Variants in USP7 observed in about 807,000 individuals in gnomAD.
USP7 encodes ubiquitin specific peptidase 7.
Under a neutral mutation model 162.9 loss-of-function variants are expected in USP7, and 9 were observed. The ratio of observed to expected loss-of-function variants is 0.06; its 90% CI spans 0.03 to 0.10. The LOEUF (loss-of-function observed/expected upper bound fraction) is 0.10. Ranked by LOEUF, USP7 falls within the 10% of genes least tolerant of loss-of-function variation. The pLI is 1.00. For missense variants in USP7, 715 were observed against 1,373.7 expected, an observed-to-expected ratio of 0.52 and a Z score of 7.58; for synonymous variants, 562 against 475.9, an observed-to-expected ratio of 1.18 and a Z score of -2.35.
chr16:8,963,862 A>AGCTCG lies in USP7; in HGVS notation c.-582_-578dup, dbSNP rs1361289151. Among the ~76,000 whole-genome samples, 32 of 146,390 alleles carry AGCTCG rather than the reference A, an allele frequency of 2.2e-4. No homozygotes were observed. The highest frequency in any genetic ancestry group is 3.8e-4 in the Non-Finnish European group (25 of 65,804). ...TCCGGCAGCGGACGCGGCGCCCGGC[A>AGCTCG]GCTCGGCTCGGCTCGCTCTCAAAAT... On this transcript the variant is annotated 5_prime_UTR_variant, in exon 1 of 31. Coordinates refer to ENST00000344836, the MANE Select transcript of USP7 (RefSeq NM_003470.3).
In USP7 at chr16:8,921,422, G is replaced by C; in HGVS notation, c.384-127C>G. ...TTCATTGCTCTCTCCTTTCGGGTTG[G>C]GGTTAAAGGTAGGATGGAGGCATTT... On this transcript the variant is annotated intron_variant, in intron 3 of 30. Coordinates refer to ENST00000344836, the MANE Select transcript of USP7 (RefSeq NM_003470.3). 7.1e-6 allele frequency: 8 copies of C among 1,127,498 alleles called. No homozygotes were observed. The Middle Eastern group carries it at 6.8e-4, about 96-fold the overall frequency. 69.8% of individuals were successfully genotyped at this position (1,127,498 alleles called of 1,614,324 possible).
chr16:8,902,498 A>T lies in USP7; in HGVS notation c.1840-16T>A, dbSNP rs749221448. The T allele has an allele frequency of 1.9e-6, 3 of 1,607,504 alleles. No individual in the cohort carries two copies. Among genetic ancestry groups the T allele is most frequent in the Non-Finnish European group, 2.6e-6 (3 of 1,175,630 alleles). ...GTGGAAATCCCTGAAAAAAATATTA[A>T]GAGTAGATTAAAATAAAAACACGCT... On this transcript the variant is annotated splice_polypyrimidine_tract_variant and intron_variant, in intron 16 of 30. Coordinates refer to ENST00000344836, the MANE Select transcript of USP7 (RefSeq NM_003470.3).
Position 8,928,338 on chromosome 16 carries a change from CA to C in USP7, c.184+1954del, listed in dbSNP as rs558222404. Among the ~76,000 whole-genome samples the C allele has an allele frequency of 3.3e-5, 5 of 151,840 alleles. No individual in the cohort carries two copies. The East Asian group carries it at 5.8e-4, about 18-fold the overall frequency. ...TCAACACTCAAGGACACAGGACACT[CA>C]AAAAAAGGGGGAGCTCTGAAGTCCA... On this transcript the variant is annotated intron_variant, in intron 2 of 30. Coordinates refer to ENST00000344836, the MANE Select transcript of USP7 (RefSeq NM_003470.3).
chr16:8,899,181 T>G lies in USP7; in HGVS notation c.2471A>C (p.Lys824Thr). 1 of 1,614,148 alleles carries G rather than the reference T, an allele frequency of 6.2e-7. No individual in the cohort carries two copies. ...SNRMNYFQVA[K>T]TVAQRLNTDP... The stretch of plus-strand genomic sequence containing the variant: ...TGTGTTGAGCCTCTGTGCAACTGTC[T>G]TTGCAACCTAAGACACAGAAAGGAA... The change falls in exon 23 of 31, where the codon AAG becomes ACG. Residue 824 changes from lysine (K) to threonine (T), a missense_variant. This residue lies in a region of USP7 where 222 missense variants were observed against 441.7 expected (regional missense o/e 0.50). Transcript: ENST00000344836.
At chr16:8,930,192 GAAGT>G in intron 2 of USP7, 97 bp downstream of exon 2, 2 of 857,002 alleles carry the variant, frequency 2.3e-6, no homozygotes, top group Non-Finnish European at 3.6e-6. Flanking sequence ...GCTACGCTCA[GAAGT>G]ACCCAAGGAT....
intron 1 of USP7, among the ~76,000 whole-genome samples, chr16:8,960,057 C>T (rs1282280167): frequency 6.6e-6 from 1 of 152,258 alleles, no homozygotes; most frequent in African/African-American, 2.4e-5. Flanking sequence ...TCTACACCGA[C>T]CATCTGAGTA....
intron 15 of USP7, 65 bp downstream of exon 15, chr16:8,904,370 C>T: frequency 1.9e-6 from 3 of 1,593,264 alleles, no homozygotes; most frequent in South Asian, 1.1e-5. Context: ...CTGACCTGCA[C>T]TTGTGTATAG....
In USP7 at chr16:8,919,162, A is replaced by C. The variant is rs949534674; in HGVS notation, c.612-23T>G. 7 of 1,612,566 alleles carry C rather than the reference A, an allele frequency of 4.3e-6. No individual in the cohort carries two copies. The African/African-American group carries it at 9.3e-5, about 22-fold the overall frequency. On this transcript the variant is annotated intron_variant, in intron 5 of 30. Coordinates refer to ENST00000344836, the MANE Select transcript of USP7 (RefSeq NM_003470.3). ...CACCTGAAAGATCAGTTCAAGGTTG[A>C]GGGGATCTTGCAGATACCCCATTGC...
At chr16:8,946,419 TA>T (rs770546756) in intron 1 of USP7, among the ~76,000 whole-genome samples, 142 of 152,012 alleles carry the variant, frequency 9.3e-4, no homozygotes, top group Non-Finnish European at 1.2e-3. Flanking sequence ...CATCTCTAAA[TA>T]AAGAAAAAAA....
intron 10 of USP7, among the ~76,000 whole-genome samples, chr16:8,914,231 G>A (rs2061994882): frequency 6.6e-6 from 1 of 152,044 alleles, no homozygotes; most frequent in Non-Finnish European, 1.5e-5. Flanking sequence ...CTAAAATGCA[G>A]ATAGCACTAT....
intron 1 of USP7, among the ~76,000 whole-genome samples, chr16:8,943,960 T>C (rs1260047469): frequency 1.3e-5 from 2 of 152,070 alleles, no homozygotes; most frequent in African/African-American, 4.8e-5. Context: ...AATAATTGGG[T>C]TTTAAAGCAA....
intron 2 of USP7, among the ~76,000 whole-genome samples, chr16:8,928,917 G>T (rs892799775): frequency 6.6e-6 from 1 of 151,932 alleles, no homozygotes; most frequent in Non-Finnish European, 1.5e-5. Flanking sequence ...GACCGCAAGT[G>T]GAGGGCAGCA....
intron 5 of USP7, 41 bp from the exon 6 acceptor site, chr16:8,919,180 C>G (rs1265816176): frequency 1.3e-6 from 2 of 1,594,414 alleles, no homozygotes; most frequent in African/African-American, 1.3e-5. Context: ...TTGCAGATAC[C>G]CCATTGCTCC....
chr16:8,960,532 G>A (rs1459311775), intron 1 of USP7, among the ~76,000 whole-genome samples: 1 of 152,194 alleles, frequency 6.6e-6, no homozygotes, highest in Non-Finnish European at 1.5e-5. Flanking sequence ...AAACCACTCT[G>A]CCCAGGAGGT....
At chr16:8,941,830 G>T (rs1899059568) in intron 1 of USP7, among the ~76,000 whole-genome samples, 2 of 152,234 alleles carry the variant, frequency 1.3e-5, no homozygotes, top group Admixed American at 6.5e-5. Flanking sequence ...GATGGGCTGG[G>T]CCCAGGGTTC....
At chr16:8,907,978 G>A (rs1357559052) in intron 12 of USP7, among the ~76,000 whole-genome samples, 1 of 152,150 alleles carries the variant, frequency 6.6e-6, no homozygotes, top group Non-Finnish European at 1.5e-5. Flanking sequence ...TACACTAAAA[G>A]TCCCCTCTGA....
chr16:8,952,905 CG>C (rs1899623584), intron 1 of USP7, among the ~76,000 whole-genome samples: 1 of 151,878 alleles, frequency 6.6e-6, no homozygotes, highest in African/African-American at 2.4e-5. Context: ...GGCGCAATCT[CG>C]GCTCACTGCA....
At chr16:8,958,366 G>A (rs927997737) in intron 1 of USP7, among the ~76,000 whole-genome samples, 3 of 152,218 alleles carry the variant, frequency 2.0e-5, no homozygotes, top group African/African-American at 4.8e-5. Context: ...CAAGGAGGCT[G>A]GGGCCATCCT....
At chr16:8,928,255 A>C (rs1898123157) in intron 2 of USP7, among the ~76,000 whole-genome samples, 1 of 152,228 alleles carries the variant, frequency 6.6e-6, no homozygotes, top group African/African-American at 2.4e-5. Flanking sequence ...GTTTGGCTAC[A>C]GACCAAACTT....
Sources: gnomAD v4.1 joint callset for allele counts (sites outside exome capture counted in the v4.1 genomes callset) on GRCh38, gnomAD v4.1.1 for gene constraint, gnomAD v4.1.1 regional missense constraint, MANE v1.5 for transcripts, NCBI Gene and HGNC (gene_info 2026-07-23, HGNC 2026-07-21) for gene names.